Variants in NBAS observed in about 807,000 individuals in gnomAD.
The protein encoded by NBAS is NAG/BC035112 fusion.
A neutral mutation model predicts 302.5 loss-of-function variants in NBAS; 219 were observed. The ratio of observed to expected loss-of-function variants is 0.72; its 90% CI spans 0.65 to 0.81. The LOEUF is 0.81. Ranked by LOEUF, NBAS falls within the 30% of genes least tolerant of loss-of-function variation. NBAS has a pLI of 0.00. For missense variants in NBAS, 2,932 were observed against 2,841.6 expected (o/e 1.03, Z -0.72); for synonymous variants, 1,118 against 1,021.6 (o/e 1.09, Z -1.80).
chr2:14,816,782 T>A, the NBAS span, among the ~76,000 whole-genome samples: 8 of 152,308 alleles, frequency 5.3e-5, no homozygotes, highest in East Asian at 1.5e-3. Flanking sequence ...GGAGGAAAGA[T>A]CATGTTATAT....
intron 16 of NBAS, among the ~76,000 whole-genome samples, chr2:15,469,420 A>G (rs1458817267): frequency 1.3e-5 from 2 of 152,088 alleles, no homozygotes; most frequent in Non-Finnish European, 2.9e-5. Flanking sequence ...ATTGTGGAAG[A>G]CAGTGTGGCG....
chr2:15,520,316 C>G (rs1025530962), intron 9 of NBAS, among the ~76,000 whole-genome samples: 1 of 152,026 alleles, frequency 6.6e-6, no homozygotes, highest in Non-Finnish European at 1.5e-5. Context: ...GAGGGAGGAT[C>G]GCTTGAGCCC....
chr2:14,972,376 T>C, the NBAS span, among the ~76,000 whole-genome samples: 3 of 151,768 alleles, frequency 2.0e-5, no homozygotes, highest in African/African-American at 4.8e-5. Flanking sequence ...CAAATACCTA[T>C]GTAACAAACC....
chr2:15,234,493 C>T (rs1667505436), intron 46 of NBAS, 52 bp downstream of exon 46: 5 of 1,563,238 alleles, frequency 3.2e-6, no homozygotes, highest in South Asian at 1.1e-5. Flanking sequence ...TTAGCACCAT[C>T]ACTGACAAAG....
chr2:15,065,303 G>A, the NBAS span, among the ~76,000 whole-genome samples: 1 of 152,024 alleles, frequency 6.6e-6, no homozygotes, highest in East Asian at 1.9e-4. Flanking sequence ...TATACTCACT[G>A]ATGAAAAACA....
the NBAS span, among the ~76,000 whole-genome samples, chr2:15,060,773 A>C: frequency 1.3e-5 from 2 of 152,302 alleles, no homozygotes; most frequent in East Asian, 3.9e-4. Flanking sequence ...GGTGATTATC[A>C]TAATCCTCCC....
At chr2:15,475,628 A>T in intron 14 of NBAS, 59 bp downstream of exon 14, 1 of 1,474,708 alleles carries the variant, frequency 6.8e-7, no homozygotes, top group Admixed American at 1.7e-5. Flanking sequence ...TAAAAACCAG[A>T]TATTTAAATT....
At chr2:15,498,542 A>G (rs1300215659) in intron 11 of NBAS, among the ~76,000 whole-genome samples, 4 of 152,206 alleles carry the variant, frequency 2.6e-5, no homozygotes, top group Non-Finnish European at 4.4e-5. Flanking sequence ...TCAAAGACCT[A>G]AAAACAGAAA....
chr2:15,026,324 C>T, the NBAS span, among the ~76,000 whole-genome samples: 7 of 44,886 alleles, frequency 1.6e-4, 3 homozygotes, highest in Non-Finnish European at 2.7e-4. Context: ...GGCGCGGTGG[C>T]GGGCGCCTGT....
the NBAS span, among the ~76,000 whole-genome samples, chr2:14,907,206 C>T: frequency 6.6e-6 from 1 of 152,220 alleles, no homozygotes; most frequent in African/African-American, 2.4e-5. Flanking sequence ...CAGCCTCCTG[C>T]AATTGCAGTC....
the NBAS span, among the ~76,000 whole-genome samples, chr2:15,129,855 G>A: frequency 1.3e-5 from 2 of 152,196 alleles, no homozygotes; most frequent in Non-Finnish European, 2.9e-5. Context: ...ACATTTCCTA[G>A]GAGCAAAGGC....
chr2:15,318,871 C>G (rs1671648179), intron 38 of NBAS, among the ~76,000 whole-genome samples: 1 of 152,118 alleles, frequency 6.6e-6, no homozygotes, highest in Non-Finnish European at 1.5e-5. Flanking sequence ...ATATCCAGGA[C>G]TTGAAATCAG....
intron 35 of NBAS, among the ~76,000 whole-genome samples, chr2:15,333,285 A>C (rs1037131970): frequency 3.9e-5 from 6 of 152,174 alleles, no homozygotes; most frequent in Admixed American, 3.3e-4. Flanking sequence ...GAGGAATCTT[A>C]AGTGACTCAG....
the NBAS span, among the ~76,000 whole-genome samples, chr2:14,935,191 T>G: frequency 6.6e-6 from 1 of 152,262 alleles, no homozygotes; most frequent in South Asian, 2.1e-4. Context: ...AGATCTATAT[T>G]TCATATTTCT....
In NBAS at chr2:15,424,488, C is replaced by T. The variant is rs114135974; in HGVS notation, c.2424-20G>A. The T allele has an allele frequency of 1.3e-3, 2,149 of 1,613,244 alleles. 30 individuals are homozygous for T. The African/African-American group carries it at 0.025, about 19-fold the overall frequency. On this transcript the variant is annotated intron_variant, in intron 22 of 51. Transcript: ENST00000281513. ...ACCATTCTGTGAAGCACAAAAGGACCAATTAATAACTGACTAGAATGTTGG... is the reference window on the plus strand; with the variant it reads ...ACCATTCTGTGAAGCACAAAAGGACTAATTAATAACTGACTAGAATGTTGG...
chr2:15,191,858 C>A (rs1194569901), intron 48 of NBAS, among the ~76,000 whole-genome samples: 4 of 152,204 alleles, frequency 2.6e-5, no homozygotes, highest in Non-Finnish European at 5.9e-5. Flanking sequence ...TCCGACCTCA[C>A]CACCTTCAAC....
chr2:15,397,440 T>A, intron 26 of NBAS: 1 of 446,198 alleles, frequency 2.2e-6, no homozygotes, highest in Non-Finnish European at 4.1e-6. Flanking sequence ...GCTCCTTACA[T>A]GGGCTTTGGT....
rs767036963 is a variant in NBAS, at chr2:15,327,870, A to C, written c.4462T>G (p.Ser1488Ala). The change falls in exon 38 of 52, where the codon TCT becomes GCT. Residue 1488 changes from serine to alanine, a missense_variant and splice_region_variant. Transcript: ENST00000281513. ...SVISNPFVAE[S>A]EGTYDTYQHV... ...TGATAGGTGTCATAGGTCCCTTCAGACTACACAAAAGAAGCAGTTTCACTA... is the reference window on the plus strand; with the variant it reads ...TGATAGGTGTCATAGGTCCCTTCAGCCTACACAAAAGAAGCAGTTTCACTA... 1.2e-6 allele frequency: 2 copies of C among 1,613,516 alleles called. No individual in the cohort carries two copies. Among genetic ancestry groups the C allele is most frequent in the Non-Finnish European group, 8.5e-7 (1 of 1,179,718 alleles).
intron 29 of NBAS, among the ~76,000 whole-genome samples, chr2:15,383,000 A>G (rs182288138): frequency 6.6e-6 from 1 of 152,224 alleles, no homozygotes; most frequent in Admixed American, 6.5e-5. Context: ...GCTGATGATT[A>G]ACCTACTAAA....
Sources: allele counts gnomAD v4.1 joint callset (sites outside exome capture counted in the v4.1 genomes callset), GRCh38; gene constraint gnomAD v4.1.1; transcripts MANE v1.5; gene names NCBI Gene and HGNC (gene_info 2026-07-23, HGNC 2026-07-21).